ITSN1: variants seen among roughly 807,000 people sequenced by gnomAD.
ITSN1 encodes the protein intersectin 1, also known as intersectin-1.
Under a neutral mutation model 239.8 loss-of-function variants are expected in ITSN1, and 58 were observed. The ratio of observed to expected loss-of-function variants is 0.24; its 90% CI spans 0.20 to 0.30. The LOEUF is 0.30. ITSN1 is among the 10% of genes least tolerant of loss of function. The probability of loss-of-function intolerance (pLI) is 1.00; values close to 1 mark genes in which losing one functional copy is unlikely to be tolerated. For missense variants in ITSN1, 1,558 were observed against 2,103.3 expected, an observed-to-expected ratio of 0.74 and a Z score of 5.07; for synonymous variants, 780 against 770.8, an observed-to-expected ratio of 1.01 and a Z score of -0.20.
At chr21:33,799,602 A>G (rs548159034) in intron 18 of ITSN1, among the ~76,000 whole-genome samples, 190 of 151,100 alleles carry the variant, frequency 1.3e-3, no homozygotes, top group African/African-American at 4.5e-3. Flanking sequence ...TCACTAATGA[A>G]CTCTCTCATG....
At chr21:33,879,969 T>C (rs980230592) in intron 34 of ITSN1, among the ~76,000 whole-genome samples, 25 of 152,348 alleles carry the variant, frequency 1.6e-4, no homozygotes, top group African/African-American at 6.0e-4. Flanking sequence ...TGTGATCCAC[T>C]GCATCCAGCC....
intron 1 of ITSN1, among the ~76,000 whole-genome samples, chr21:33,644,786 C>T (rs746752279): frequency 2.0e-5 from 3 of 151,816 alleles, no homozygotes; most frequent in East Asian, 1.9e-4. Context: ...TATCAAGCCT[C>T]CTGTAAGAGA....
chr21:33,884,982 G>C, intron 36 of ITSN1, 59 bp from the exon 37 acceptor site: 1 of 1,259,106 alleles, frequency 7.9e-7, no homozygotes, highest in Non-Finnish European at 1.2e-6. Context: ...TGTTTGAACA[G>C]ACCTGAAGCC....
At chr21:33,703,083 C>CTGTGTGTGTG (rs10529613) in intron 1 of ITSN1, among the ~76,000 whole-genome samples, 39 of 145,600 alleles carry the variant, frequency 2.7e-4, no homozygotes, top group African/African-American at 6.5e-4. Flanking sequence ...GAGACTCTGT[C>CTGTGTGTGTG]TGTGTGTGTG....
chr21:33,884,893 G>A (rs1418279190), intron 36 of ITSN1, 148 bp from the exon 37 acceptor site: 21 of 631,828 alleles, frequency 3.3e-5, no homozygotes, highest in East Asian at 1.1e-4. Context: ...TTAGCGTCAC[G>A]TGACATAAAA....
At chr21:33,691,370 G>C (rs185000569) in intron 1 of ITSN1, among the ~76,000 whole-genome samples, 1 of 152,182 alleles carries the variant, frequency 6.6e-6, no homozygotes, top group African/African-American at 2.4e-5. Flanking sequence ...TTCTAACTAA[G>C]TGTTTTACTT....
At chr21:33,643,379 G>GTTT (rs1029312279) in intron 1 of ITSN1, 2 of 152,216 alleles carry the variant, frequency 1.3e-5, no homozygotes, top group Admixed American at 6.5e-5. Context: ...CACCGACACG[G>GTTT]TTTTGTGGTG....
At chr21:33,710,892 G>A (rs887089417) in intron 1 of ITSN1, among the ~76,000 whole-genome samples, 36 of 148,802 alleles carry the variant, frequency 2.4e-4, no homozygotes, top group African/African-American at 8.5e-4. Context: ...TGCAACCTCC[G>A]CCTCTTGGGT....
At chr21:33,728,330 T>G (rs2065953907) in intron 4 of ITSN1, among the ~76,000 whole-genome samples, 1 of 152,058 alleles carries the variant, frequency 6.6e-6, no homozygotes, top group African/African-American at 2.4e-5. Context: ...CCTCACAGCT[T>G]CAAGTGATTC....
In ITSN1 at chr21:33,889,125, G is replaced by C. The variant is rs970790369; in HGVS notation, c.*825G>C. The C allele has an allele frequency of 6.6e-6, 1 of 152,020 alleles. No homozygotes were observed. The highest frequency in any genetic ancestry group is 1.9e-4 in the East Asian group (1 of 5,180). 9.4% of individuals were successfully genotyped at this position (152,020 alleles called of 1,614,324 possible). On this transcript the variant is annotated 3_prime_UTR_variant, in exon 40 of 40. Coordinates refer to ENST00000381318, the MANE Select transcript of ITSN1 (RefSeq NM_003024.3). ...TTACAATGTTGGGTCACTGGGTCTC[G>C]GTTGGCAGCCATGTTGGAAAAATCT...
At chr21:33,651,497 T>C (rs1053020556) in intron 1 of ITSN1, among the ~76,000 whole-genome samples, 3 of 152,206 alleles carry the variant, frequency 2.0e-5, no homozygotes, top group Admixed American at 2.0e-4. Context: ...GAATGGTAAT[T>C]TGTGTAAACT....
intron 17 of ITSN1, among the ~76,000 whole-genome samples, chr21:33,796,331 A>C (rs928873828): frequency 3.9e-5 from 6 of 152,180 alleles, no homozygotes; most frequent in Non-Finnish European, 8.8e-5. Flanking sequence ...CCTCCAAAAA[A>C]TGTTTTTATA....
chr21:33,814,242 G>A, intron 22 of ITSN1, 170 bp downstream of exon 22: 1 of 590,050 alleles, frequency 1.7e-6, no homozygotes, highest in Middle Eastern at 4.8e-4. Flanking sequence ...GTGAATAGTT[G>A]GGAGTTGGGG....
intron 11 of ITSN1, 52 bp downstream of exon 11, chr21:33,767,880 G>T: frequency 2.0e-6 from 2 of 1,022,322 alleles, no homozygotes; most frequent in Admixed American, 2.0e-5. Flanking sequence ...CGAAATTAGA[G>T]ATTTCCTATC....
chr21:33,659,469 C>G (rs1003151964), intron 1 of ITSN1, among the ~76,000 whole-genome samples: 2 of 152,072 alleles, frequency 1.3e-5, no homozygotes, highest in African/African-American at 4.8e-5. Context: ...CTTATGGGAC[C>G]AAGCCCTTGA....
At chr21:33,744,268 G>T (rs540166688) in intron 5 of ITSN1, among the ~76,000 whole-genome samples, 1 of 152,044 alleles carries the variant, frequency 6.6e-6, no homozygotes, top group Non-Finnish European at 1.5e-5. Context: ...AAGTAATTAC[G>T]GAATAGTCTA....
In ITSN1 at chr21:33,751,880, A is replaced by G; in HGVS notation, c.597A>G (p.Gln199=). 1 of 1,613,528 alleles carries G rather than the reference A, an allele frequency of 6.2e-7. No individual in the cohort carries two copies. The highest frequency in any genetic ancestry group is 1.1e-5 in the South Asian group (1 of 91,042). The part of the protein sequence containing the change: ...GPGSQLNTKL[Q]KAQSFDVASV... ...GGTCACAACTAAACACTAAATTACA[A>G]AAGGCACAGTCATTTGATGTGGCCA... The change falls in exon 7 of 40, where the codon CAA becomes CAG. Residue 199 remains glutamine, a synonymous_variant. Coordinates refer to ENST00000381318, the MANE Select transcript of ITSN1 (RefSeq NM_003024.3).
At chr21:33,666,977 C>T (rs997207485) in intron 1 of ITSN1, among the ~76,000 whole-genome samples, 2 of 151,784 alleles carry the variant, frequency 1.3e-5, no homozygotes, top group Non-Finnish European at 2.9e-5. Context: ...CCACCATGCC[C>T]GCTAGTTTTT....
At position 33,774,852 on chromosome 21, in the gene ITSN1, A is replaced by G. The variant is rs536525393; in HGVS notation, c.1429A>G (p.Thr477Ala). 1 of 1,612,516 alleles carries G rather than the reference A, an allele frequency of 6.2e-7. No homozygotes were observed. Among genetic ancestry groups the G allele is most frequent in the East Asian group, 2.2e-5 (1 of 44,866 alleles). The change falls in exon 13 of 40, where the codon ACT (threonine) becomes GCT (alanine). Residue 477 changes from threonine (T) to alanine (A), a missense_variant. Coordinates refer to ENST00000381318, the MANE Select transcript of ITSN1 (RefSeq NM_003024.3). Reference sequence around the variant, plus strand: ...AGTTGTACTGAAAGCAAAGAAAAAGACTTTGGAATTTGAATTAGAAGCTCT... The same window carrying G: ...AGTTGTACTGAAAGCAAAGAAAAAGGCTTTGGAATTTGAATTAGAAGCTCT... ...DIVVLKAKKK[T>A]LEFELEALND...
Sources: gnomAD v4.1 joint callset for allele counts (sites outside exome capture counted in the v4.1 genomes callset) on GRCh38, gnomAD v4.1.1 for gene constraint, MANE v1.5 for transcripts, NCBI Gene and HGNC (gene_info 2026-07-23, HGNC 2026-07-21) for gene names.